HS3ST4: variants seen among roughly 807,000 people sequenced by gnomAD.
The protein encoded by HS3ST4 is heparan sulfate-glucosamine 3-sulfotransferase 4.
A neutral mutation model predicts 29.2 loss-of-function variants in HS3ST4; 17 were observed. The observed-to-expected ratio is 0.58, with a 90% CI of 0.40 to 0.87. The LOEUF is 0.87. Ranked by LOEUF, HS3ST4 falls within the 40% of genes least tolerant of loss-of-function variation. The pLI is 0.00. For missense variants in HS3ST4, 627 were observed against 634.5 expected, an observed-to-expected ratio of 0.99 and a Z score of 0.13; for synonymous variants, 314 against 285.7, an observed-to-expected ratio of 1.10 and a Z score of -1.00.
intron 1 of HS3ST4, among the ~76,000 whole-genome samples, chr16:25,999,050 T>C (rs1969180935): frequency 1.3e-5 from 2 of 152,188 alleles, no homozygotes; most frequent in Admixed American, 1.3e-4. Flanking sequence ...ATTTAGACTG[T>C]AAAATATCTC....
At chr16:25,885,089 G>A (rs1292497424) in intron 1 of HS3ST4, among the ~76,000 whole-genome samples, 1 of 152,196 alleles carries the variant, frequency 6.6e-6, no homozygotes, top group Non-Finnish European at 1.5e-5. Flanking sequence ...ACCACTCACT[G>A]CTTTTCAACC....
At chr16:25,939,309 TATTATTATTATTATTATTATC>T (rs951023751) in intron 1 of HS3ST4, among the ~76,000 whole-genome samples, 14 of 96,710 alleles carry the variant, frequency 1.4e-4, no homozygotes, top group Admixed American at 2.2e-4. Context: ...CAGCATTTAT[TATTATTATTATTATTATTATC>T]ATTATTATTA....
chr16:26,049,590 T>G (rs1187531320), intron 1 of HS3ST4, among the ~76,000 whole-genome samples: 1 of 151,788 alleles, frequency 6.6e-6, no homozygotes, highest in Non-Finnish European at 1.5e-5. Flanking sequence ...ACGTGTGGAT[T>G]TTCCCCCACA....
intron 1 of HS3ST4, among the ~76,000 whole-genome samples, chr16:25,738,121 G>T (rs987519312): frequency 6.6e-6 from 1 of 151,966 alleles, no homozygotes; most frequent in Non-Finnish European, 1.5e-5. Context: ...AGCCAGGATG[G>T]TCTCGATTTC....
At chr16:25,822,321 G>A (rs1472960570) in intron 1 of HS3ST4, among the ~76,000 whole-genome samples, 1 of 151,960 alleles carries the variant, frequency 6.6e-6, no homozygotes, top group African/African-American at 2.4e-5. Flanking sequence ...GAAGAGTATT[G>A]GTCCGATTTA....
intron 1 of HS3ST4, among the ~76,000 whole-genome samples, chr16:26,040,097 A>G (rs1289674876): frequency 6.6e-6 from 1 of 152,170 alleles, no homozygotes; most frequent in Non-Finnish European, 1.5e-5. Flanking sequence ...AACGCACAAT[A>G]TTTCCAGTGT....
chr16:26,040,449 G>A (rs1308412823), intron 1 of HS3ST4, among the ~76,000 whole-genome samples: 4 of 151,982 alleles, frequency 2.6e-5, no homozygotes, highest in African/African-American at 4.8e-5. Context: ...GATTACAGGC[G>A]CATGCCAACA....
At chr16:26,031,627 A>T (rs918988064) in intron 1 of HS3ST4, among the ~76,000 whole-genome samples, 1 of 151,950 alleles carries the variant, frequency 6.6e-6, no homozygotes, top group Non-Finnish European at 1.5e-5. Context: ...GGGAAGAAGG[A>T]TCATTTAGAA....
At chr16:25,964,439 G>A (rs1337507378) in intron 1 of HS3ST4, among the ~76,000 whole-genome samples, 4 of 152,076 alleles carry the variant, frequency 2.6e-5, no homozygotes, top group African/African-American at 4.8e-5. Flanking sequence ...CATCATGAAA[G>A]TGTACGTACC....
At position 25,762,895 on chromosome 16, in the gene HS3ST4, A is replaced by AG. The variant is rs577456531; in HGVS notation, c.734+69744_734+69745insG. Among the ~76,000 whole-genome samples the AG allele has an allele frequency of 9.4e-3, 1,386 of 147,466 alleles. 23 individuals are homozygous for AG. Among genetic ancestry groups the AG allele is most frequent in the African/African-American group, 0.034 (1,329 of 38,590 alleles). ...CTGTCTCAAAAAAAAAAAAAAAAAA[A>AG]AAAAGAAAAAAGAAAGAAAATGCTC... On this transcript the variant is annotated intron_variant, in intron 1 of 1. Coordinates refer to ENST00000331351, the MANE Select transcript of HS3ST4 (RefSeq NM_006040.3).
intron 1 of HS3ST4, among the ~76,000 whole-genome samples, chr16:25,795,843 G>A (rs185024568): frequency 1.3e-5 from 2 of 152,234 alleles, no homozygotes; most frequent in South Asian, 2.1e-4. Flanking sequence ...CACCCTCTAC[G>A]TGTCCCAACT....
In HS3ST4 at chr16:25,880,624, C is replaced by T. The variant is rs138561414; in HGVS notation, c.734+187473C>T. On this transcript the variant is annotated intron_variant, in intron 1 of 1. Coordinates refer to ENST00000331351, the MANE Select transcript of HS3ST4 (RefSeq NM_006040.3). Reference sequence around the variant, plus strand: ...GCAGCATTATAGGGCCATTATTGGGCCTGGCACTAATGGGCATTTGTCACC... The same window carrying T: ...GCAGCATTATAGGGCCATTATTGGGTCTGGCACTAATGGGCATTTGTCACC... Among the ~76,000 whole-genome samples the T allele has an allele frequency of 6.5e-3, 992 of 152,256 alleles. 4 individuals carry two copies. The highest frequency in any genetic ancestry group is 0.014 in the Middle Eastern group (4 of 294).
intron 1 of HS3ST4, among the ~76,000 whole-genome samples, chr16:25,898,873 A>G (rs1433748432): frequency 6.6e-6 from 1 of 152,210 alleles, no homozygotes; most frequent in Non-Finnish European, 1.5e-5. Context: ...TTTATAAGGG[A>G]ATACTTTTTT....
chr16:26,123,346 C>T (rs961795153), intron 1 of HS3ST4, among the ~76,000 whole-genome samples: 2 of 152,150 alleles, frequency 1.3e-5, no homozygotes, highest in African/African-American at 4.8e-5. Context: ...TCCTTAGCCA[C>T]ACACCTCTGT....
intron 1 of HS3ST4, among the ~76,000 whole-genome samples, chr16:25,839,238 A>T (rs1305990976): frequency 6.6e-6 from 1 of 152,180 alleles, no homozygotes; most frequent in African/African-American, 2.4e-5. Flanking sequence ...TTTATTATTT[A>T]TGTAGCTGTT....
At chr16:26,010,074 C>T (rs935402092) in intron 1 of HS3ST4, among the ~76,000 whole-genome samples, 3 of 152,108 alleles carry the variant, frequency 2.0e-5, no homozygotes, top group African/African-American at 7.2e-5. Flanking sequence ...CAATAAGGAT[C>T]CAAGATGAGT....
At chr16:26,125,505 C>T (rs1007468249) in intron 1 of HS3ST4, among the ~76,000 whole-genome samples, 1 of 152,230 alleles carries the variant, frequency 6.6e-6, no homozygotes. Context: ...TGTATAGCCC[C>T]GCTCCTAACA....
intron 1 of HS3ST4, among the ~76,000 whole-genome samples, chr16:26,085,719 T>A (rs1264598756): frequency 6.6e-6 from 1 of 151,582 alleles, no homozygotes; most frequent in African/African-American, 2.4e-5. Flanking sequence ...AAAATTTTTT[T>A]AAAAATTAGC....
At chr16:25,733,088 C>T (rs113233853) in intron 1 of HS3ST4, among the ~76,000 whole-genome samples, 9 of 152,246 alleles carry the variant, frequency 5.9e-5, no homozygotes, top group South Asian at 2.1e-4. Flanking sequence ...CTTTCTAGAA[C>T]GTTATACCTA....
Sources: gnomAD v4.1 joint callset for allele counts (sites outside exome capture counted in the v4.1 genomes callset) on GRCh38, gnomAD v4.1.1 for gene constraint, MANE v1.5 for transcripts, NCBI Gene and HGNC (gene_info 2026-07-23, HGNC 2026-07-21) for gene names.